The following EXTL3 variants were observed in gnomAD, a reference collection of about 807,000 sequenced individuals.
EXTL3 encodes the protein exostosin-like 3.
Under a neutral mutation model 69.3 loss-of-function variants are expected in EXTL3, and 27 were observed. That is an observed-to-expected ratio of 0.39 (90% CI 0.29 to 0.54). The LOEUF (loss-of-function observed/expected upper bound fraction) is 0.54. Among genes scored for constraint, EXTL3 ranks in the 20% least tolerant of loss-of-function variants. The probability of loss-of-function intolerance (pLI) is 0.69; values close to 1 mark genes in which losing one functional copy is unlikely to be tolerated. For missense variants in EXTL3, 1,003 were observed against 1,231.8 expected (o/e 0.81, Z 2.78); for synonymous variants, 511 against 499.4 (o/e 1.02, Z -0.31).
chr8:28,697,851 A>C (rs957134250), upstream of EXTL3: 1 of 151,726 alleles, frequency 6.6e-6, no homozygotes, highest in Non-Finnish European at 1.5e-5. Context: ...AAAAAAAAAA[A>C]CTACATACAT....
At chr8:28,744,712 T>A (rs1801848872) in intron 6 of EXTL3, among the ~76,000 whole-genome samples, 1 of 151,846 alleles carries the variant, frequency 6.6e-6, no homozygotes, top group South Asian at 2.1e-4. Context: ...GAGAATCACT[T>A]GAACCTGGAG....
intron 1 of EXTL3, among the ~76,000 whole-genome samples, chr8:28,642,970 G>A (rs900453913): frequency 1.3e-5 from 2 of 151,894 alleles, no homozygotes; most frequent in Admixed American, 6.6e-5. Context: ...TGGGCCAGGC[G>A]CGCTGGTTCA....
In EXTL3 at chr8:28,632,227, T is replaced by C. The variant is rs184064498; in HGVS notation, c.-53+9417T>C. ...TTCAAGACCAGCCTGACCAACATGG[T>C]GAAACCCCATCTCTACTAAAAATAC... On this transcript the variant is annotated intron_variant, in intron 1 of 6. Coordinates refer to the EXTL3 transcript ENST00000523149. 6.4e-3 allele frequency among the ~76,000 whole-genome samples: 970 copies of C among 151,996 alleles called. 9 individuals are homozygous for C. The highest frequency in any genetic ancestry group is 0.01 in the Non-Finnish European group (705 of 67,962).
At chr8:28,714,475 C>T (rs902266235) in intron 2 of EXTL3, among the ~76,000 whole-genome samples, 3 of 152,082 alleles carry the variant, frequency 2.0e-5, no homozygotes, top group East Asian at 1.9e-4. Context: ...TTTTATGCTA[C>T]GTGTACCCTT....
intron 1 of EXTL3, among the ~76,000 whole-genome samples, chr8:28,711,687 T>C (rs781615982): frequency 6.6e-6 from 1 of 152,226 alleles, no homozygotes; most frequent in Non-Finnish European, 1.5e-5. Flanking sequence ...TAGTTTATAA[T>C]GTATTCAATA....
chr8:28,632,059 C>G (rs544614371), intron 1 of EXTL3, among the ~76,000 whole-genome samples: 4 of 151,286 alleles, frequency 2.6e-5, no homozygotes, highest in African/African-American at 9.7e-5. Context: ...CTGCGCTGCA[C>G]TCCGGCCTGG....
At chr8:28,728,898 GA>G (rs1358126982) in intron 3 of EXTL3, among the ~76,000 whole-genome samples, 1 of 150,796 alleles carries the variant, frequency 6.6e-6, no homozygotes, top group East Asian at 1.9e-4. Flanking sequence ...TCTCTTAAAA[GA>G]AAAAAAAATT....
rs1802066946 is a variant in EXTL3, at chr8:28,754,010, TTTTTTCATGGGAA to T, written c.*3148_*3160del. The T allele has an allele frequency of 6.6e-6, 1 of 151,562 alleles. No individual in the cohort carries two copies. The highest frequency in any genetic ancestry group is 6.6e-5 in the Admixed American group (1 of 15,202). The allele number at this position is 151,562 out of a possible 1,614,324, so 9.4% of individuals were successfully genotyped here. On this transcript the variant is annotated 3_prime_UTR_variant, in exon 7 of 7. Transcript: ENST00000220562. ...ATGTGGCCCATATATGCAAAGTTAA[TTTTTTCATGGGAA>T]TTTAAAATGCGTGTGTGTGTGTGTG...
In EXTL3 at chr8:28,716,036, T is replaced by TG. The variant is rs1801135334; in HGVS notation, c.-18dup. 3 of 1,581,868 alleles carry TG rather than the reference T, an allele frequency of 1.9e-6. No homozygotes were observed. Among genetic ancestry groups the TG allele is most frequent in the South Asian group, 1.1e-5 (1 of 90,106 alleles). ...TTATGGCGAGTGACCCGACGTGATCTGGGGGGCAGGCTGCAGAGGACTCAT... is the reference window on the plus strand; with the variant it reads ...TTATGGCGAGTGACCCGACGTGATCTGGGGGGGCAGGCTGCAGAGGACTCAT... On this transcript the variant is annotated 5_prime_UTR_variant, in exon 3 of 7. Transcript: ENST00000220562. The surrounding 1 kb of genome is among the most constrained non-coding windows in gnomAD (Gnocchi z 7.1).
In EXTL3 at chr8:28,742,956, C is replaced by T. The variant is rs1375553212; in HGVS notation, c.2422-130C>T. On this transcript the variant is annotated intron_variant, in intron 5 of 6. Transcript: ENST00000220562. ...ATGTCTCGAATCCCCTGCCCCAGTC[C>T]CTAAGTGCCAGTAATACCTCCTAGT... The T allele has an allele frequency of 3.2e-6, 3 of 936,694 alleles. No individual in the cohort carries two copies. The African/African-American group carries it at 4.8e-5, about 15-fold the overall frequency. The allele number at this position is 936,694 out of a possible 1,614,324, so 58.0% of individuals were successfully genotyped here.
chr8:28,671,318 T>C (rs7017401), intron 1 of EXTL3, among the ~76,000 whole-genome samples: 2 of 145,444 alleles, frequency 1.4e-5, no homozygotes, highest in Non-Finnish European at 3.0e-5. Context: ...TGTTTTTTTT[T>C]TTTTTTTTTT....
intron 2 of EXTL3, among the ~76,000 whole-genome samples, chr8:28,612,802 G>A (rs754728803): frequency 2.0e-5 from 3 of 151,646 alleles, no homozygotes; most frequent in African/African-American, 7.3e-5. Flanking sequence ...CACTGCATCC[G>A]CAACCTCCCA....
intron 1 of EXTL3, among the ~76,000 whole-genome samples, chr8:28,647,173 C>T (rs1405731436): frequency 6.6e-6 from 1 of 151,144 alleles, no homozygotes; most frequent in African/African-American, 2.4e-5. Context: ...GGCACGATCT[C>T]GGCTCACTAC....
In EXTL3 at chr8:28,713,438, GTT is replaced by G. The variant is rs903746640; in HGVS notation, c.-569-9_-569-8del. On this transcript the variant is annotated splice_polypyrimidine_tract_variant and intron_variant, in intron 1 of 6. Transcript: ENST00000220562. ...TGTCACTGTTCTATTTTTGTTTTTTGTTTTTTTTTTTAAATCAGGAGAGCAAG... is the reference window on the plus strand; with the variant it reads ...TGTCACTGTTCTATTTTTGTTTTTTGTTTTTTTTTAAATCAGGAGAGCAAG... 10 of 518,946 alleles carry G rather than the reference GTT, an allele frequency of 1.9e-5. No individual in the cohort carries two copies. The highest frequency in any genetic ancestry group is 3.0e-5 in the Admixed American group (1 of 33,350). The allele number at this position is 518,946 out of a possible 1,614,324, so 32.1% of individuals were successfully genotyped here. A position where few individuals can be genotyped will look rare whatever the true frequency, so the allele number is the denominator to read the frequency against.
intron 5 of EXTL3, 105 bp from the exon 6 acceptor site, chr8:28,742,981 T>A: frequency 8.0e-7 from 1 of 1,254,856 alleles, no homozygotes. Context: ...TACCTCCTAG[T>A]TACTGCCACA....
intron 1 of EXTL3, among the ~76,000 whole-genome samples, chr8:28,709,489 C>T (rs1432941579): frequency 6.6e-6 from 1 of 151,936 alleles, no homozygotes; most frequent in East Asian, 1.9e-4. Context: ...CCCTTCTTCC[C>T]TGTCGCGCCT....
At chr8:28,735,528 C>T (rs1801633008) in intron 4 of EXTL3, among the ~76,000 whole-genome samples, 1 of 152,138 alleles carries the variant, frequency 6.6e-6, no homozygotes. Flanking sequence ...TGAGATTTAG[C>T]CTCTGGTAAT....
upstream of EXTL3, among the ~76,000 whole-genome samples, chr8:28,618,600 G>A (rs952613065): frequency 6.6e-6 from 1 of 152,144 alleles, no homozygotes; most frequent in South Asian, 2.1e-4. Flanking sequence ...TTCTAAGCAG[G>A]AAGGAGCATA....
intron 1 of EXTL3, among the ~76,000 whole-genome samples, chr8:28,709,085 A>G (rs1800979526): frequency 6.6e-6 from 1 of 152,188 alleles, no homozygotes; most frequent in East Asian, 1.9e-4. Context: ...AGACAGTGTA[A>G]CATAATAAAG....
Sources: gnomAD v4.1 joint callset for allele counts (sites outside exome capture counted in the v4.1 genomes callset) on GRCh38, gnomAD v4.1.1 for gene constraint, Gnocchi (gnomAD v3.1) non-coding constraint, MANE v1.5 for transcripts, NCBI Gene and HGNC (gene_info 2026-07-23, HGNC 2026-07-21) for gene names.